Variants in ALPK1 observed in about 807,000 individuals in gnomAD.
ALPK1 encodes the protein alpha-protein kinase 1.
Under a neutral mutation model 120.6 loss-of-function variants are expected in ALPK1, and 110 were observed. The ratio of observed to expected loss-of-function variants is 0.91; its 90% CI spans 0.78 to 1.07. The LOEUF (loss-of-function observed/expected upper bound fraction) is 1.07. ALPK1 is among the 50% of genes least tolerant of loss of function. The probability of loss-of-function intolerance (pLI) is 0.00; values close to 1 mark genes in which losing one functional copy is unlikely to be tolerated. For synonymous variants in ALPK1, 582 were observed against 560.3 expected (o/e 1.04, Z -0.55); for missense variants, 1,498 against 1,483.9 (o/e 1.01, Z -0.16).
intron 2 of ALPK1, among the ~76,000 whole-genome samples, chr4:112,362,990 T>G (rs1262531972): frequency 1.3e-5 from 2 of 152,208 alleles, no homozygotes; most frequent in Non-Finnish European, 2.9e-5. Context: ...AAAATTAAGC[T>G]TCATAAATGA....
chr4:112,375,065 A>C (rs763843607), intron 2 of ALPK1, among the ~76,000 whole-genome samples: 1 of 150,928 alleles, frequency 6.6e-6, no homozygotes. Flanking sequence ...CCAGGCATTG[A>C]CTCCTCCCCT....
chr4:112,329,112 C>T (rs777144661), intron 2 of ALPK1, among the ~76,000 whole-genome samples: 1 of 151,886 alleles, frequency 6.6e-6, no homozygotes, highest in Admixed American at 6.6e-5. Flanking sequence ...ATAGTAGGTA[C>T]CTATGAAAAT....
At chr4:112,440,838 T>TGTGTGTGC (rs1735006073) in intron 14 of ALPK1, 79 bp from the exon 15 acceptor site, 1 of 1,524,478 alleles carries the variant, frequency 6.6e-7, no homozygotes, top group South Asian at 1.3e-5. Flanking sequence ...TGTGTGTGTG[T>TGTGTGTGC]GTGTGTATGT....
intron 1 of ALPK1, among the ~76,000 whole-genome samples, chr4:112,308,403 G>A (rs994621895): frequency 2.0e-5 from 3 of 151,970 alleles, no homozygotes; most frequent in Non-Finnish European, 4.4e-5. Context: ...CATAGATTTG[G>A]TCTTGTCACA....
intron 1 of ALPK1, among the ~76,000 whole-genome samples, chr4:112,309,009 A>T (rs370603019): frequency 1.3e-5 from 2 of 151,964 alleles, no homozygotes; most frequent in African/African-American, 2.4e-5. Context: ...TTGCTGGAGG[A>T]CCACTCCAGA....
Position 112,325,003 on chromosome 4 carries a change from C to G in ALPK1, c.-101+9151C>G, listed in dbSNP as rs967410097. 1.3e-4 allele frequency among the ~76,000 whole-genome samples: 19 copies of G among 151,086 alleles called. 1 individual carries two copies. Among genetic ancestry groups the G allele is most frequent in the African/African-American group, 4.6e-4 (19 of 41,060 alleles). On this transcript the variant is annotated intron_variant, in intron 2 of 15. Transcript: ENST00000650871. ...GGGGGGGGGCAAATAGAGTGAATCC[C>G]TTGAGGGAATAGTTTCAAATTTCAG...
chr4:112,349,554 C>CCCCCA (rs1553939363), intron 2 of ALPK1, among the ~76,000 whole-genome samples: 2 of 141,564 alleles, frequency 1.4e-5, no homozygotes, highest in African/African-American at 5.5e-5. Flanking sequence ...AACCCCTGCC[C>CCCCCA]CCCCCCGCTT....
chr4:112,437,712 C>T (rs1265122987), intron 12 of ALPK1, among the ~76,000 whole-genome samples: 1 of 152,180 alleles, frequency 6.6e-6, no homozygotes, highest in Non-Finnish European at 1.5e-5. Flanking sequence ...ATGGCCAAAA[C>T]CACAGCCTCC....
At chr4:112,400,438 A>G (rs1732856505) in intron 4 of ALPK1, among the ~76,000 whole-genome samples, 1 of 152,158 alleles carries the variant, frequency 6.6e-6, no homozygotes, top group African/African-American at 2.4e-5. Context: ...AACAGCTGAG[A>G]CTCAGGAGAA....
At chr4:112,310,488 C>T (rs1369305024) in intron 1 of ALPK1, among the ~76,000 whole-genome samples, 3 of 152,058 alleles carry the variant, frequency 2.0e-5, no homozygotes, top group Non-Finnish European at 2.9e-5. Flanking sequence ...GCAGGTTGTC[C>T]ATAGCATGGC....
At chr4:112,336,775 T>G (rs1729638492) in intron 2 of ALPK1, among the ~76,000 whole-genome samples, 1 of 152,202 alleles carries the variant, frequency 6.6e-6, no homozygotes, top group South Asian at 2.1e-4. Context: ...GGAATGTCTT[T>G]TATATTTTTC....
intron 1 of ALPK1, among the ~76,000 whole-genome samples, chr4:112,310,972 T>A (rs1482780600): frequency 6.6e-6 from 1 of 151,076 alleles, no homozygotes; most frequent in Non-Finnish European, 1.5e-5. Context: ...TTAGCAAAAA[T>A]CTCCAGCTTT....
chr4:112,363,482 G>A (rs1215525743), intron 2 of ALPK1, among the ~76,000 whole-genome samples: 3 of 152,060 alleles, frequency 2.0e-5, no homozygotes, highest in Non-Finnish European at 4.4e-5. Flanking sequence ...AATGATAAAA[G>A]GACTAGTCCA....
At chr4:112,429,122 T>C (rs1162475877) in intron 9 of ALPK1, 27 bp from the exon 10 acceptor site, 1 of 1,589,912 alleles carries the variant, frequency 6.3e-7, no homozygotes, top group South Asian at 1.1e-5. Context: ...TTATCACCAT[T>C]CCACTTAGCC....
intron 1 of ALPK1, among the ~76,000 whole-genome samples, chr4:112,308,191 C>T (rs1334927186): frequency 6.6e-6 from 1 of 152,098 alleles, no homozygotes; most frequent in Non-Finnish European, 1.5e-5. Context: ...TTTTTTCCTT[C>T]ATTTCAACTT....
intron 2 of ALPK1, among the ~76,000 whole-genome samples, chr4:112,339,054 C>A (rs899142138): frequency 6.6e-6 from 1 of 152,220 alleles, no homozygotes; most frequent in African/African-American, 2.4e-5. Context: ...ACTCTGCATG[C>A]ATCTTCAAAA....
chr4:112,419,966 A>G (rs1305380691), intron 5 of ALPK1, among the ~76,000 whole-genome samples: 1 of 152,222 alleles, frequency 6.6e-6, no homozygotes, highest in East Asian at 1.9e-4. Context: ...TATTATTATT[A>G]CTATTATTAC....
chr4:112,383,832 T>C (rs997654409), intron 4 of ALPK1: 2 of 152,218 alleles, frequency 1.3e-5, no homozygotes, highest in African/African-American at 4.8e-5. Context: ...ATGCATTTAC[T>C]ACACCCAACC....
At chr4:112,357,549 C>T in intron 2 of ALPK1, 2 of 1,164,858 alleles carry the variant, frequency 1.7e-6, no homozygotes, top group Non-Finnish European at 2.5e-6. Flanking sequence ...TTATCATCCT[C>T]ACCAGTGGCA....
Sources: gnomAD v4.1 joint callset for allele counts (sites outside exome capture counted in the v4.1 genomes callset) on GRCh38, gnomAD v4.1.1 for gene constraint, MANE v1.5 for transcripts, NCBI Gene and HGNC (gene_info 2026-07-23, HGNC 2026-07-21) for gene names.